SPOCK1: variants seen among roughly 807,000 people sequenced by gnomAD.
The protein encoded by SPOCK1 is testican-1.
SPOCK1 carries 23 observed loss-of-function variants against 55.3 expected under a neutral mutation model. The ratio of observed to expected loss-of-function variants is 0.42; its 90% CI spans 0.30 to 0.59. The LOEUF (loss-of-function observed/expected upper bound fraction) is 0.59. SPOCK1 is among the 20% of genes least tolerant of loss of function. SPOCK1 has a pLI of 0.22. For missense variants in SPOCK1, 499 were observed against 552.5 expected, an observed-to-expected ratio of 0.90 and a Z score of 0.97; for synonymous variants, 226 against 221.0, an observed-to-expected ratio of 1.02 and a Z score of -0.20.
At chr5:136,995,538 G>A (rs965873246) in intron 6 of SPOCK1, among the ~76,000 whole-genome samples, 12 of 152,176 alleles carry the variant, frequency 7.9e-5, no homozygotes, top group African/African-American at 2.4e-4. Flanking sequence ...TGTGCATTCC[G>A]TAGTCAATTT....
chr5:137,023,800 G>A (rs1285682651), intron 6 of SPOCK1, among the ~76,000 whole-genome samples: 1 of 152,020 alleles, frequency 6.6e-6, no homozygotes, highest in Non-Finnish European at 1.5e-5. Flanking sequence ...GGAGAACCAA[G>A]CTGATTTGTC....
At chr5:137,195,303 T>C (rs964110022) in intron 3 of SPOCK1, among the ~76,000 whole-genome samples, 3 of 152,232 alleles carry the variant, frequency 2.0e-5, no homozygotes, top group African/African-American at 7.2e-5. Flanking sequence ...GTGGTTTGGC[T>C]TCCAGGAAGG....
chr5:137,121,367 T>C (rs1228010719), intron 4 of SPOCK1, among the ~76,000 whole-genome samples: 1 of 151,998 alleles, frequency 6.6e-6, no homozygotes, highest in African/African-American at 2.4e-5. Flanking sequence ...AGACATTTGC[T>C]ATTAATTTCA....
At chr5:137,354,157 C>A (rs1750740219) in intron 2 of SPOCK1, among the ~76,000 whole-genome samples, 1 of 152,154 alleles carries the variant, frequency 6.6e-6, no homozygotes, top group Non-Finnish European at 1.5e-5. Context: ...TTTCTTAATC[C>A]ACTGCTGCGG....
chr5:137,179,640 T>C (rs572118443), intron 3 of SPOCK1, among the ~76,000 whole-genome samples: 45 of 152,226 alleles, frequency 3.0e-4, no homozygotes, highest in Admixed American at 2.6e-3. Context: ...ATTGTTTGCC[T>C]TGCTCTATCT....
intron 2 of SPOCK1, among the ~76,000 whole-genome samples, chr5:137,292,326 C>A (rs1204582463): frequency 6.7e-6 from 1 of 149,670 alleles, no homozygotes; most frequent in Non-Finnish European, 1.5e-5. Flanking sequence ...CGAATGGGAA[C>A]TACCCTAAGC....
chr5:137,003,242 A>G (rs1474346780), intron 6 of SPOCK1, among the ~76,000 whole-genome samples: 1 of 152,068 alleles, frequency 6.6e-6, no homozygotes, highest in Non-Finnish European at 1.5e-5. Context: ...GTCTCAAAAT[A>G]CAAAAAATTA....
intron 4 of SPOCK1, among the ~76,000 whole-genome samples, chr5:137,124,396 G>T (rs1753742401): frequency 6.6e-6 from 1 of 152,128 alleles, no homozygotes; most frequent in Non-Finnish European, 1.5e-5. Flanking sequence ...TTCTGGCTGA[G>T]TGCGCAACAC....
intron 2 of SPOCK1, among the ~76,000 whole-genome samples, chr5:137,267,905 C>T (rs2127116921): frequency 6.6e-6 from 1 of 152,336 alleles, no homozygotes; most frequent in Non-Finnish European, 1.5e-5. Flanking sequence ...CACCCATGCA[C>T]ATTATCCTCA....
chr5:137,189,021 T>C (rs1327146022), intron 3 of SPOCK1, among the ~76,000 whole-genome samples: 1 of 152,238 alleles, frequency 6.6e-6, no homozygotes, highest in African/African-American at 2.4e-5. Context: ...TTCTCTTCAA[T>C]TCTTTGAAGG....
At chr5:137,077,950 A>G (rs1752803648) in intron 5 of SPOCK1, among the ~76,000 whole-genome samples, 2 of 152,130 alleles carry the variant, frequency 1.3e-5, no homozygotes. Flanking sequence ...CTTTCATTTT[A>G]CAGATGAGAA....
At chr5:137,370,382 A>G (rs1751172833) in intron 2 of SPOCK1, among the ~76,000 whole-genome samples, 2 of 152,358 alleles carry the variant, frequency 1.3e-5, no homozygotes, top group Admixed American at 1.3e-4. Flanking sequence ...TGCAATGAAC[A>G]TCAATGAGAA....
chr5:137,314,180 C>T (rs1425647547), intron 2 of SPOCK1, among the ~76,000 whole-genome samples: 2 of 151,940 alleles, frequency 1.3e-5, no homozygotes, highest in African/African-American at 4.8e-5. Flanking sequence ...AAGCAGTGCC[C>T]ATCTCATTTC....
intron 3 of SPOCK1, among the ~76,000 whole-genome samples, chr5:137,211,927 C>G: frequency 6.6e-6 from 1 of 152,154 alleles, no homozygotes. Flanking sequence ...CATCTGTACC[C>G]TTTGTAATAT....
intron 2 of SPOCK1, among the ~76,000 whole-genome samples, chr5:137,428,561 T>C (rs1336002373): frequency 6.6e-6 from 1 of 152,200 alleles, no homozygotes. Flanking sequence ...CCTGGAAAAT[T>C]TGTAGACTCT....
At chr5:137,200,259 C>T (rs1269860882) in intron 3 of SPOCK1, among the ~76,000 whole-genome samples, 1 of 152,228 alleles carries the variant, frequency 6.6e-6, no homozygotes, top group East Asian at 1.9e-4. Flanking sequence ...CTGCTTCCCT[C>T]TCCCCAATGT....
At chr5:137,167,003 T>C (rs1754659691) in intron 3 of SPOCK1, among the ~76,000 whole-genome samples, 1 of 151,900 alleles carries the variant, frequency 6.6e-6, no homozygotes, top group East Asian at 1.9e-4. Context: ...GACTAAACTC[T>C]CCAATGAAAA....
At chr5:137,293,567 A>T (rs973471596) in intron 2 of SPOCK1, among the ~76,000 whole-genome samples, 1 of 113,732 alleles carries the variant, frequency 8.8e-6, no homozygotes, top group African/African-American at 3.9e-5. Context: ...GGGGCTCTGA[A>T]ATCCCACCTT....
chr5:137,092,178 G>A (rs1294809351), intron 5 of SPOCK1, among the ~76,000 whole-genome samples: 1 of 152,168 alleles, frequency 6.6e-6, no homozygotes, highest in Admixed American at 6.5e-5. Flanking sequence ...AACATGGTTT[G>A]TATTCCATGT....
Sources: allele counts gnomAD v4.1 joint callset (sites outside exome capture counted in the v4.1 genomes callset), GRCh38; gene constraint gnomAD v4.1.1; transcripts MANE v1.5; gene names NCBI Gene and HGNC (gene_info 2026-07-23, HGNC 2026-07-21).